Variants in CAMK2D observed in about 807,000 individuals in gnomAD.
CAMK2D encodes calcium/calmodulin dependent protein kinase II delta, also known as calcium/calmodulin-dependent protein kinase type II subunit delta.
Under a neutral mutation model 84.0 loss-of-function variants are expected in CAMK2D, and 37 were observed. That is an observed-to-expected ratio of 0.44 (90% CI 0.34 to 0.58). The LOEUF (loss-of-function observed/expected upper bound fraction) is 0.58. Among genes scored for constraint, CAMK2D ranks in the 20% least tolerant of loss-of-function variants. The probability of loss-of-function intolerance (pLI) is 0.02; values close to 1 mark genes in which losing one functional copy is unlikely to be tolerated. For synonymous variants in CAMK2D, 202 were observed against 212.5 expected (o/e 0.95, Z 0.43); for missense variants, 448 against 652.5 (o/e 0.69, Z 3.41).
At chr4:113,649,365 A>G (rs2099163929) in intron 3 of CAMK2D, among the ~76,000 whole-genome samples, 1 of 152,210 alleles carries the variant, frequency 6.6e-6, no homozygotes, top group African/African-American at 2.4e-5. Context: ...CAGACTCTCC[A>G]TTATTATTCT....
intron 2 of CAMK2D, among the ~76,000 whole-genome samples, chr4:113,738,532 A>G (rs1562148412): frequency 1.3e-5 from 2 of 152,176 alleles, no homozygotes; most frequent in Admixed American, 6.5e-5. Flanking sequence ...ATGCAAAAAA[A>G]TATTTTTAAT....
At chr4:113,520,425 TAA>T (rs2098340768) in intron 8 of CAMK2D, among the ~76,000 whole-genome samples, 1 of 151,662 alleles carries the variant, frequency 6.6e-6, no homozygotes, top group South Asian at 2.1e-4. Flanking sequence ...AAAATAAAAA[TAA>T]AATAAAATAA....
At chr4:113,677,905 T>C (rs1314140240) in intron 2 of CAMK2D, among the ~76,000 whole-genome samples, 1 of 152,080 alleles carries the variant, frequency 6.6e-6, no homozygotes, top group Non-Finnish European at 1.5e-5. Flanking sequence ...CATAGGATAG[T>C]ATCTAGTAGC....
intron 16 of CAMK2D, among the ~76,000 whole-genome samples, chr4:113,466,769 A>G (rs557914717): frequency 6.6e-6 from 1 of 152,302 alleles, no homozygotes; most frequent in South Asian, 2.1e-4. Flanking sequence ...ATCTGCCTCA[A>G]GTGTTCTTTC....
At chr4:113,710,898 G>A (rs1303376376) in intron 2 of CAMK2D, among the ~76,000 whole-genome samples, 3 of 152,102 alleles carry the variant, frequency 2.0e-5, no homozygotes, top group African/African-American at 4.8e-5. Flanking sequence ...GTAAGAGATC[G>A]AATGTTTCTC....
intron 8 of CAMK2D, among the ~76,000 whole-genome samples, chr4:113,520,568 T>C (rs1167563139): frequency 6.6e-6 from 1 of 152,090 alleles, no homozygotes. Flanking sequence ...CTAGCTCTTT[T>C]TCTTTGCCCA....
intron 16 of CAMK2D, among the ~76,000 whole-genome samples, chr4:113,478,327 G>A (rs999665474): frequency 1.3e-5 from 2 of 152,156 alleles, no homozygotes; most frequent in African/African-American, 4.8e-5. Context: ...CAGATTTAAA[G>A]AATACCAACT....
At chr4:113,674,357 G>A (rs1226129778) in intron 2 of CAMK2D, among the ~76,000 whole-genome samples, 1 of 152,062 alleles carries the variant, frequency 6.6e-6, no homozygotes, top group Non-Finnish European at 1.5e-5. Flanking sequence ...TCATTGAGAA[G>A]GAACATTTAC....
chr4:113,754,721 A>G, intron 2 of CAMK2D: 1 of 980,318 alleles, frequency 1.0e-6, no homozygotes, highest in Non-Finnish European at 1.2e-6. Flanking sequence ...CTAGTTCTGA[A>G]GAGCAGTAAT....
At position 113,458,317 on chromosome 4, in the gene CAMK2D, C is replaced by T. The variant is rs552224223; in HGVS notation, c.1307-754G>A. ...CTAATTATTCAGTCACCAAGAGATA[C>T]GAGGAGGATTTAGTGCACATCACTT... On this transcript the variant is annotated intron_variant, in intron 18 of 20. Coordinates refer to ENST00000511664, the MANE Select transcript of CAMK2D (RefSeq NM_001321571.2). 4.6e-5 allele frequency among the ~76,000 whole-genome samples: 7 copies of T among 152,226 alleles called. No homozygotes were observed. In the South Asian group the frequency reaches 1.0e-3, roughly 23 times the overall value.
chr4:113,692,160 G>A (rs1301230140), intron 2 of CAMK2D, among the ~76,000 whole-genome samples: 1 of 152,162 alleles, frequency 6.6e-6, no homozygotes, highest in African/African-American at 2.4e-5. Flanking sequence ...TGTGTCTGCA[G>A]AAGAGTTCTC....
intron 2 of CAMK2D, among the ~76,000 whole-genome samples, chr4:113,721,244 AC>A (rs1469798054): frequency 6.6e-6 from 1 of 152,188 alleles, no homozygotes; most frequent in African/African-American, 2.4e-5. Flanking sequence ...TGGAAAGGTA[AC>A]TTGTGATCAA....
intron 4 of CAMK2D, among the ~76,000 whole-genome samples, chr4:113,576,854 C>T (rs1250882849): frequency 1.3e-5 from 2 of 152,200 alleles, no homozygotes; most frequent in African/African-American, 4.8e-5. Context: ...ATGCACCCTT[C>T]TAATTCCCCT....
chr4:113,629,038 T>C (rs723091), intron 3 of CAMK2D, among the ~76,000 whole-genome samples: 1 of 150,804 alleles, frequency 6.6e-6, no homozygotes, highest in African/African-American at 2.4e-5. Flanking sequence ...AGCAGTAAAA[T>C]ATATATATAT....
chr4:113,535,594 A>T (rs17630173), intron 7 of CAMK2D, among the ~76,000 whole-genome samples: 9,368 of 152,108 alleles, frequency 0.062, 597 homozygotes, highest in East Asian at 0.21. Context: ...ATTAACTACT[A>T]CTCACTCGAG....
intron 12 of CAMK2D, among the ~76,000 whole-genome samples, chr4:113,512,711 A>T (rs1443225325): frequency 6.6e-6 from 1 of 152,086 alleles, no homozygotes; most frequent in East Asian, 1.9e-4. Flanking sequence ...TAGCTGGGAC[A>T]ACAGGCACGC....
At chr4:113,711,118 A>T (rs1192343503) in intron 2 of CAMK2D, among the ~76,000 whole-genome samples, 1 of 149,236 alleles carries the variant, frequency 6.7e-6, no homozygotes, top group East Asian at 1.9e-4. Context: ...AAAAAATATA[A>T]ATTTATTATA....
chr4:113,518,128 A>G (rs1342112217), intron 8 of CAMK2D, among the ~76,000 whole-genome samples: 1 of 152,140 alleles, frequency 6.6e-6, no homozygotes, highest in African/African-American at 2.4e-5. Context: ...CACGTTCTAA[A>G]TAACCATAGT....
At chr4:113,524,498 C>A (rs1332634361) in intron 8 of CAMK2D, among the ~76,000 whole-genome samples, 1 of 152,160 alleles carries the variant, frequency 6.6e-6, no homozygotes, top group Non-Finnish European at 1.5e-5. Flanking sequence ...GTATAATATA[C>A]AATTATACGT....
Sources: allele counts gnomAD v4.1 joint callset (sites outside exome capture counted in the v4.1 genomes callset), GRCh38; gene constraint gnomAD v4.1.1; transcripts MANE v1.5; gene names NCBI Gene and HGNC (gene_info 2026-07-23, HGNC 2026-07-21).